DUSP14: variants seen among roughly 807,000 people sequenced by gnomAD.
The protein encoded by DUSP14 is dual specificity protein phosphatase 14.
Under a neutral mutation model 13.2 loss-of-function variants are expected in DUSP14, and 5 were observed. The ratio of observed to expected loss-of-function variants is 0.38; its 90% CI spans 0.20 to 0.80. The LOEUF is 0.80. Ranked by LOEUF, DUSP14 falls within the 30% of genes least tolerant of loss-of-function variation. DUSP14 has a pLI of 0.44. For synonymous variants in DUSP14, 91 were observed against 103.4 expected, an observed-to-expected ratio of 0.88 and a Z score of 0.73; for missense variants, 185 against 264.0, an observed-to-expected ratio of 0.70 and a Z score of 2.07.
At chr17:37,498,598 T>C (rs1031634545) in intron 1 of DUSP14, among the ~76,000 whole-genome samples, 8 of 151,970 alleles carry the variant, frequency 5.3e-5, no homozygotes, top group African/African-American at 1.7e-4. Context: ...AGTGCTGGGA[T>C]TACAGGCGTG....
chr17:37,509,299 T>A (rs867119497), intron 1 of DUSP14, among the ~76,000 whole-genome samples: 5 of 108,148 alleles, frequency 4.6e-5, no homozygotes, highest in African/African-American at 1.5e-4. Context: ...ATATATATAG[T>A]GTGTGTGTGT....
chr17:37,503,231 C>CGT (rs2054116344), intron 1 of DUSP14, among the ~76,000 whole-genome samples: 1 of 152,150 alleles, frequency 6.6e-6, no homozygotes, highest in Admixed American at 6.5e-5. Flanking sequence ...TTGAGACCAG[C>CGT]GTGGGCAACA....
At chr17:37,495,818 C>T (rs926007728) in intron 1 of DUSP14, among the ~76,000 whole-genome samples, 1 of 152,172 alleles carries the variant, frequency 6.6e-6, no homozygotes, top group South Asian at 2.1e-4. Flanking sequence ...TGCCACCACG[C>T]CCAGCTAATT....
At position 37,510,765 on chromosome 17, in the gene DUSP14, G is replaced by A. The variant is rs2054178468; in HGVS notation, c.-93+1G>A. The A allele has an allele frequency of 6.6e-6, 1 of 152,226 alleles. No individual in the cohort carries two copies. The highest frequency in any genetic ancestry group is 1.5e-5 in the Non-Finnish European group (1 of 68,080). 9.4% of individuals were successfully genotyped at this position (152,226 alleles called of 1,614,324 possible). A position where few individuals can be genotyped will look rare whatever the true frequency, so the allele number is the denominator to read the frequency against. Reference sequence around the variant, plus strand: ...CAGCGCACACTGGACTCTTGAGGAAGTGAGTACCCCACCACTGCCTGCCTG... The same window carrying A: ...CAGCGCACACTGGACTCTTGAGGAAATGAGTACCCCACCACTGCCTGCCTG... On this transcript the variant is annotated splice_donor_variant, in intron 2 of 2. Coordinates refer to ENST00000617516, the MANE Select transcript of DUSP14 (RefSeq NM_007026.4). LOFTEE classifies it low-confidence loss of function (5UTR_SPLICE).
At chr17:37,508,556 A>G (rs942851699) in intron 1 of DUSP14, among the ~76,000 whole-genome samples, 4 of 151,986 alleles carry the variant, frequency 2.6e-5, no homozygotes, top group Non-Finnish European at 4.4e-5. Context: ...CAATGTGGCA[A>G]AACTCCGTCT....
chr17:37,489,112 TTA>T (rs757856724), upstream of DUSP14, among the ~76,000 whole-genome samples: 2 of 152,140 alleles, frequency 1.3e-5, no homozygotes, highest in Non-Finnish European at 2.9e-5. Flanking sequence ...TCGCACCGAC[TTA>T]TGTTACAGAT....
At chr17:37,502,444 A>C (rs547747783) in intron 1 of DUSP14, among the ~76,000 whole-genome samples, 9 of 151,036 alleles carry the variant, frequency 6.0e-5, no homozygotes, top group African/African-American at 1.7e-4. Context: ...TCGGCCTCCT[A>C]AAGTGCTGGA....
At chr17:37,504,513 A>G (rs573616043) in intron 1 of DUSP14, among the ~76,000 whole-genome samples, 42 of 152,358 alleles carry the variant, frequency 2.8e-4, no homozygotes, top group Admixed American at 1.4e-3. Context: ...AAGTAAGTAG[A>G]AGATGTTGAG....
chr17:37,510,366 C>G (rs1400812857), intron 1 of DUSP14: 5 of 152,296 alleles, frequency 3.3e-5, no homozygotes, highest in Admixed American at 3.3e-4. Context: ...ACCGAGGAGG[C>G]AGCAGTGCCG....
intron 1 of DUSP14, among the ~76,000 whole-genome samples, chr17:37,495,413 TTCTG>T (rs751670227): frequency 2.0e-5 from 3 of 152,372 alleles, no homozygotes; most frequent in African/African-American, 7.2e-5. Context: ...CTGGGTTTAC[TTCTG>T]TCTTTGTCCC....
At chr17:37,506,609 C>G (rs1377809313) in intron 1 of DUSP14, among the ~76,000 whole-genome samples, 1 of 152,190 alleles carries the variant, frequency 6.6e-6, no homozygotes, top group Non-Finnish European at 1.5e-5. Flanking sequence ...TATCTCCTTT[C>G]CCTGTCTCCC....
intron 1 of DUSP14, among the ~76,000 whole-genome samples, chr17:37,501,769 G>T (rs556013005): frequency 1.3e-5 from 2 of 152,176 alleles, no homozygotes; most frequent in African/African-American, 4.8e-5. Context: ...TGCCTGCCTC[G>T]GCCTTCCAAA....
intron 1 of DUSP14, among the ~76,000 whole-genome samples, chr17:37,500,371 C>T (rs2054097336): frequency 6.6e-6 from 1 of 152,212 alleles, no homozygotes; most frequent in African/African-American, 2.4e-5. Context: ...TTATTAACTA[C>T]TGAGCTGTTA....
intron 1 of DUSP14, among the ~76,000 whole-genome samples, chr17:37,508,181 TG>T (rs1258216688): frequency 4.6e-5 from 7 of 152,216 alleles, no homozygotes; most frequent in African/African-American, 1.7e-4. Context: ...GAGGGACTTG[TG>T]GTCTGTTAGC....
chr17:37,490,999 CTTAA>C (rs2148069172), intron 1 of DUSP14, among the ~76,000 whole-genome samples: 1 of 152,322 alleles, frequency 6.6e-6, no homozygotes, highest in African/African-American at 2.4e-5. Context: ...CTACAGATCA[CTTAA>C]GAGTCAGAGA....
chr17:37,512,093 C>A lies in DUSP14; in HGVS notation c.-92-88C>A. On this transcript the variant is annotated intron_variant, in intron 2 of 2. Coordinates refer to ENST00000617516, the MANE Select transcript of DUSP14 (RefSeq NM_007026.4). The surrounding 1 kb of genome is among the most constrained non-coding windows in gnomAD (Gnocchi z 4.8). ...TGTACTGTATTATTTAAAAAAAAACCCTCTAATCTTCCCATTTGACAAATG... is the reference window on the plus strand; with the variant it reads ...TGTACTGTATTATTTAAAAAAAAACACTCTAATCTTCCCATTTGACAAATG... 1.7e-6 allele frequency: 1 copy of A among 571,840 alleles called. No individual in the cohort carries two copies. Among genetic ancestry groups the A allele is most frequent in the Non-Finnish European group, 3.1e-6 (1 of 325,220 alleles). The allele number at this position is 571,840 out of a possible 1,614,324, so 35.4% of individuals were successfully genotyped here.
chr17:37,489,455 G>A (rs1466818836), upstream of DUSP14, among the ~76,000 whole-genome samples: 1 of 152,136 alleles, frequency 6.6e-6, no homozygotes, highest in African/African-American at 2.4e-5. Flanking sequence ...GTGGGGTGGG[G>A]TCGAGGCCGT....
At position 37,513,399 on chromosome 17, in the gene DUSP14, T is replaced by TTAAG. The variant is rs1174809305; in HGVS notation, c.*534_*537dup. 6.0e-6 allele frequency: 1 copy of TTAAG among 168,004 alleles called. No homozygotes were observed. The highest frequency in any genetic ancestry group is 2.4e-5 in the African/African-American group (1 of 41,478). The allele number at this position is 168,004 out of a possible 1,614,324, so 10.4% of individuals were successfully genotyped here. A position where few individuals can be genotyped will look rare whatever the true frequency, so the allele number is the denominator to read the frequency against. On this transcript the variant is annotated 3_prime_UTR_variant, in exon 3 of 3. Coordinates refer to ENST00000617516, the MANE Select transcript of DUSP14 (RefSeq NM_007026.4). ...TAAATACACCCTTATTATTTAGCTG[T>TTAAG]TAAGTAACTATAATGAAATCTGCTG...
intron 1 of DUSP14, among the ~76,000 whole-genome samples, chr17:37,501,263 G>C (rs1311996650): frequency 6.6e-6 from 1 of 152,210 alleles, no homozygotes; most frequent in East Asian, 1.9e-4. Flanking sequence ...ATTGTATTAA[G>C]TTAGTTTTTA....
Sources: allele counts gnomAD v4.1 joint callset (sites outside exome capture counted in the v4.1 genomes callset), GRCh38; gene constraint gnomAD v4.1.1; non-coding constraint Gnocchi (gnomAD v3.1); transcripts MANE v1.5; gene names NCBI Gene and HGNC (gene_info 2026-07-23, HGNC 2026-07-21).